The following EXOC6 variants were observed in gnomAD, a reference collection of about 807,000 sequenced individuals.
EXOC6 encodes exocyst complex component 6.
Under a neutral mutation model 112.5 loss-of-function variants are expected in EXOC6, and 60 were observed. That is an observed-to-expected ratio of 0.53 (90% CI 0.43 to 0.66). The LOEUF is 0.66. Ranked by LOEUF, EXOC6 falls within the 30% of genes least tolerant of loss-of-function variation. EXOC6 has a pLI of 0.00. For missense variants in EXOC6, 855 were observed against 957.1 expected (o/e 0.89, Z 1.41); for synonymous variants, 295 against 308.0 (o/e 0.96, Z 0.44).
chr10:92,970,154 T>A (rs1217489332), intron 17 of EXOC6, among the ~76,000 whole-genome samples: 1 of 152,198 alleles, frequency 6.6e-6, no homozygotes, highest in Admixed American at 6.5e-5. Flanking sequence ...TATCAGTGAA[T>A]GAAAACAGAC....
intron 20 of EXOC6, among the ~76,000 whole-genome samples, chr10:93,027,891 T>C (rs1164607350): frequency 6.6e-6 from 1 of 152,242 alleles, no homozygotes; most frequent in Non-Finnish European, 1.5e-5. Flanking sequence ...TCAAGTCTTA[T>C]TATTTAAAAA....
Position 92,911,744 on chromosome 10 carries a change from T to C in EXOC6, c.663+2113T>C, listed in dbSNP as rs1589816522. 2.0e-5 allele frequency among the ~76,000 whole-genome samples: 3 copies of C among 152,340 alleles called. No homozygotes were observed. In the East Asian group the frequency reaches 5.8e-4, roughly 29 times the overall value. On this transcript the variant is annotated intron_variant, in intron 6 of 21. Transcript: ENST00000260762. ...TAGCATCTCTCTGTGGGGATGTTTT[T>C]CTTTACAATTTCTTCTTTTGGAAAT...
chr10:92,967,057 T>C (rs1263557517), intron 17 of EXOC6, among the ~76,000 whole-genome samples: 1 of 151,400 alleles, frequency 6.6e-6, no homozygotes, highest in Admixed American at 6.6e-5. Flanking sequence ...GAGCATTTTT[T>C]CATGTGTCTT....
At chr10:92,965,594 TCTAA>T (rs1842012911) in intron 17 of EXOC6, among the ~76,000 whole-genome samples, 1 of 152,300 alleles carries the variant, frequency 6.6e-6, no homozygotes, top group African/African-American at 2.4e-5. Flanking sequence ...CCGAAGAAGT[TCTAA>T]CTAATTTCCT....
At chr10:92,847,835 CTTTTT>C (rs3078184), upstream of EXOC6, among the ~76,000 whole-genome samples, 31 of 93,680 alleles carry the variant, frequency 3.3e-4, no homozygotes, top group South Asian at 3.7e-3. Context: ...CGCCCTGGGC[CTTTTT>C]TTTTTTTTTT....
chr10:93,037,470 T>C (rs1590085675), intron 20 of EXOC6, among the ~76,000 whole-genome samples: 1 of 150,884 alleles, frequency 6.6e-6, no homozygotes, highest in South Asian at 2.1e-4. Context: ...ATGGAGTTTC[T>C]CTCTTGTTGC....
chr10:92,935,573 C>T (rs1852293828), intron 11 of EXOC6, among the ~76,000 whole-genome samples: 1 of 151,940 alleles, frequency 6.6e-6, no homozygotes, highest in African/African-American at 2.4e-5. Flanking sequence ...TAACTAGTTC[C>T]TTAAAATCTA....
chr10:93,055,571 T>A (rs185871927), intron 20 of EXOC6, among the ~76,000 whole-genome samples: 40 of 152,330 alleles, frequency 2.6e-4, no homozygotes, highest in African/African-American at 9.1e-4. Flanking sequence ...ACTTTTCCTC[T>A]TTGTGAAAGG....
intron 13 of EXOC6, among the ~76,000 whole-genome samples, chr10:92,944,734 A>C (rs1265227576): frequency 6.6e-6 from 1 of 151,402 alleles, no homozygotes; most frequent in Non-Finnish European, 1.5e-5. Flanking sequence ...TCTGTTAGAT[A>C]ATGGCCATTC....
intron 1 of EXOC6, among the ~76,000 whole-genome samples, chr10:92,869,903 G>A (rs1848358331): frequency 6.6e-6 from 1 of 151,212 alleles, no homozygotes; most frequent in African/African-American, 2.4e-5. Flanking sequence ...ACTTTAGCAG[G>A]GGAAACCTTT....
chr10:92,889,961 G>A (rs1375211565), intron 1 of EXOC6, among the ~76,000 whole-genome samples: 1 of 151,966 alleles, frequency 6.6e-6, no homozygotes, highest in East Asian at 1.9e-4. Flanking sequence ...TGGGTCTTCT[G>A]CCTTTCTATA....
At chr10:92,973,333 T>A (rs957857912) in intron 17 of EXOC6, among the ~76,000 whole-genome samples, 3 of 152,192 alleles carry the variant, frequency 2.0e-5, no homozygotes, top group African/African-American at 7.2e-5. Context: ...AGAGGAAGAA[T>A]AATGGAAATA....
chr10:92,848,695 G>C, intron 1 of EXOC6, 61 bp downstream of exon 1: 2 of 1,212,054 alleles, frequency 1.7e-6, no homozygotes, highest in Non-Finnish European at 2.1e-6. Flanking sequence ...CTCCTCACGA[G>C]CCGGGCGGGG....
rs1564869624 is a variant in EXOC6, at chr10:92,966,287, T to TTATA, written c.1774-7766_1774-7765insTATA. ...CTAGAAAGCATGTAATTATAATTAT[T>TTATA]ATTATTATTATTATTATTATTATAC... On this transcript the variant is annotated intron_variant, in intron 17 of 21. Transcript: ENST00000260762. 1.4e-3 allele frequency among the ~76,000 whole-genome samples: 104 copies of TTATA among 72,006 alleles called. 2 individuals carry two copies. The highest frequency in any genetic ancestry group is 5.1e-3 in the African/African-American group (74 of 14,370). 47.2% of individuals were successfully genotyped at this position (72,006 alleles called of 152,430 possible). A position where few individuals can be genotyped will look rare whatever the true frequency, so the allele number is the denominator to read the frequency against.
Position 93,058,528 on chromosome 10 carries a change from T to A in EXOC6, c.*173T>A. The A allele has an allele frequency of 2.2e-6, 1 of 464,754 alleles. No individual in the cohort carries two copies. Among genetic ancestry groups the A allele is most frequent in the Non-Finnish European group, 3.6e-6 (1 of 281,020 alleles). 28.8% of individuals were successfully genotyped at this position (464,754 alleles called of 1,614,324 possible). A position where few individuals can be genotyped will look rare whatever the true frequency, so the allele number is the denominator to read the frequency against. ...AATATCATTTGTATGGATTTTTAAA[T>A]AATCGAATACTATTTTATATATGGA... On this transcript the variant is annotated 3_prime_UTR_variant, in exon 22 of 22. Coordinates refer to ENST00000260762, the MANE Select transcript of EXOC6 (RefSeq NM_019053.6).
At position 93,014,336 on chromosome 10, in the gene EXOC6, T is replaced by A. The variant is rs1487871091; in HGVS notation, c.2169+69T>A. The stretch of plus-strand genomic sequence containing the variant: ...TTGCCCTCCCCTCACTTTTTTTTTT[T>A]ATTAATGCTACAGGAATGCCTGTTT... On this transcript the variant is annotated intron_variant, in intron 20 of 21. Coordinates refer to ENST00000260762, the MANE Select transcript of EXOC6 (RefSeq NM_019053.6). 1.9e-5 allele frequency: 22 copies of A among 1,169,270 alleles called. No homozygotes were observed. In the East Asian group the frequency reaches 2.6e-4, roughly 14 times the overall value. The allele number at this position is 1,169,270 out of a possible 1,614,324, so 72.4% of individuals were successfully genotyped here.
chr10:92,888,842 A>G (rs1849357795), intron 1 of EXOC6, among the ~76,000 whole-genome samples: 1 of 152,210 alleles, frequency 6.6e-6, no homozygotes, highest in Admixed American at 6.5e-5. Context: ...TTTAGTTAAT[A>G]GTTCTTGTTA....
chr10:93,058,260 C>T lies in EXOC6; in HGVS notation c.2320C>T (p.Gln774Ter). 1 of 1,608,814 alleles carries T rather than the reference C, an allele frequency of 6.2e-7. No homozygotes were observed. The highest frequency in any genetic ancestry group is 8.5e-7 in the Non-Finnish European group (1 of 1,178,846). Residue 774 changes from glutamine (Q) to a stop codon, truncating the protein, a stop_gained, in exon 22 of 22, where the codon CAG becomes TAG. Transcript: ENST00000260762. LOFTEE classifies it high-confidence loss of function. ...DTSKKNNIFA[Q>*]FRKNDRDKQK... ...TAGCAAAAAGAACAATATATTTGCT[C>T]AGTTCAGGAAGAATGATCGAGACAA...
intron 19 of EXOC6, among the ~76,000 whole-genome samples, chr10:93,010,775 G>A (rs575984738): frequency 6.6e-6 from 1 of 151,446 alleles, no homozygotes; most frequent in Admixed American, 6.6e-5. Flanking sequence ...GTGTTTCAAA[G>A]AGGTTGTCTC....
Sources: gnomAD v4.1 joint callset for allele counts (sites outside exome capture counted in the v4.1 genomes callset) on GRCh38, gnomAD v4.1.1 for gene constraint, MANE v1.5 for transcripts, NCBI Gene and HGNC (gene_info 2026-07-23, HGNC 2026-07-21) for gene names.